The following ALK variants were observed in gnomAD, a reference collection of about 807,000 sequenced individuals.
The protein encoded by ALK is ALK tyrosine kinase receptor.
A neutral mutation model predicts 163.1 loss-of-function variants in ALK; 74 were observed. The ratio of observed to expected loss-of-function variants is 0.45; its 90% CI spans 0.38 to 0.55. The LOEUF (loss-of-function observed/expected upper bound fraction) is 0.55. Among genes scored for constraint, ALK ranks in the 20% least tolerant of loss-of-function variants. The pLI, the probability that ALK is intolerant of heterozygous loss-of-function variation, is 0.00. For synonymous variants in ALK, 960 were observed against 843.2 expected (o/e 1.14, Z -2.40); for missense variants, 2,063 against 2,105.3 (o/e 0.98, Z 0.39).
intron 3 of ALK, among the ~76,000 whole-genome samples, chr2:29,598,249 C>T (rs1180992682): frequency 1.3e-5 from 2 of 152,232 alleles, no homozygotes; most frequent in Non-Finnish European, 2.9e-5. Flanking sequence ...TGCTCTCAAA[C>T]TCCTGACCTC....
intron 1 of ALK, among the ~76,000 whole-genome samples, chr2:29,720,147 G>A (rs1679380469): frequency 6.6e-6 from 1 of 151,932 alleles, no homozygotes; most frequent in Non-Finnish European, 1.5e-5. Context: ...ATGAATCTGT[G>A]AATGGGTACA....
At chr2:29,550,393 A>G (rs1400710498) in intron 3 of ALK, among the ~76,000 whole-genome samples, 3 of 152,162 alleles carry the variant, frequency 2.0e-5, no homozygotes, top group Admixed American at 6.5e-5. Context: ...CCTTTATGAA[A>G]GCAGCTGGAC....
At chr2:29,289,873 C>G (rs760615312) in intron 9 of ALK, among the ~76,000 whole-genome samples, 10 of 152,158 alleles carry the variant, frequency 6.6e-5, no homozygotes, top group Non-Finnish European at 1.5e-4. Context: ...TGTTGGGAAG[C>G]AAGGAGCCCC....
intron 1 of ALK, among the ~76,000 whole-genome samples, chr2:29,832,386 T>C (rs947739110): frequency 6.6e-6 from 1 of 152,068 alleles, no homozygotes; most frequent in East Asian, 1.9e-4. Flanking sequence ...CTGAGGTGAA[T>C]TGAAGAGGAA....
At chr2:29,837,664 C>T (rs922797729) in intron 1 of ALK, among the ~76,000 whole-genome samples, 1 of 152,144 alleles carries the variant, frequency 6.6e-6, no homozygotes, top group African/African-American at 2.4e-5. Flanking sequence ...TCTTTAAAAG[C>T]TTAAAAGCAA....
intron 11 of ALK, among the ~76,000 whole-genome samples, chr2:29,251,607 G>T (rs1485999184): frequency 5.3e-5 from 8 of 152,206 alleles, no homozygotes; most frequent in Non-Finnish European, 1.0e-4. Context: ...CGCTAGGGGA[G>T]TTCCAGGAAG....
intron 1 of ALK, among the ~76,000 whole-genome samples, chr2:29,798,219 T>C (rs1034178035): frequency 6.6e-6 from 1 of 152,234 alleles, no homozygotes; most frequent in Non-Finnish European, 1.5e-5. Flanking sequence ...GGCCAAAGCC[T>C]CTCTTTGTGT....
intron 1 of ALK, among the ~76,000 whole-genome samples, chr2:29,803,592 C>T (rs1383494315): frequency 2.0e-5 from 3 of 152,156 alleles, no homozygotes; most frequent in East Asian, 1.9e-4. Context: ...CCATTATTTC[C>T]GATTGCTCTA....
At chr2:29,758,128 A>G (rs1484138040) in intron 1 of ALK, among the ~76,000 whole-genome samples, 1 of 148,770 alleles carries the variant, frequency 6.7e-6, no homozygotes, top group Non-Finnish European at 1.5e-5. Context: ...CTCCTGCCTC[A>G]GCCTCTGGAG....
chr2:29,554,096 T>C (rs563569806), intron 3 of ALK, among the ~76,000 whole-genome samples: 34 of 152,364 alleles, frequency 2.2e-4, no homozygotes, highest in African/African-American at 8.2e-4. Flanking sequence ...TTTATATTTA[T>C]GAACTTGAGT....
At chr2:29,210,139 G>C (rs1347866756) in intron 24 of ALK, among the ~76,000 whole-genome samples, 3 of 152,198 alleles carry the variant, frequency 2.0e-5, no homozygotes, top group East Asian at 1.9e-4. Context: ...CATCATACTA[G>C]GAACTAGGAT....
At chr2:29,575,432 T>C (rs1010828319) in intron 3 of ALK, among the ~76,000 whole-genome samples, 2 of 152,154 alleles carry the variant, frequency 1.3e-5, no homozygotes, top group African/African-American at 2.4e-5. Flanking sequence ...CTACCCCCAC[T>C]GCAACCTCCC....
In ALK at chr2:29,694,871, G is replaced by T. The variant is rs149837139; in HGVS notation, c.931C>A (p.Arg311Ser). The T allele has an allele frequency of 5.6e-6, 9 of 1,613,840 alleles. No individual in the cohort carries two copies. The highest frequency in any genetic ancestry group is 4.5e-5 in the East Asian group (2 of 44,870). The change falls in exon 3 of 29, where the codon CGT becomes AGT. Residue 311 changes from arginine to serine, a missense_variant. This residue lies in a region of ALK where 987 missense variants were observed against 939.5 expected (regional missense o/e 1.05). Transcript: ENST00000389048. ...TTACCTCTGGGCATCTCCTTAGAAC[G>T]CTCTGCCCCAGGCCCATCCAGCAAG... is the stretch of plus-strand genomic sequence containing the variant. ...MDLLDGPGAE[R>S]SKEMPRGSFL...
At chr2:29,594,426 C>CTTT (rs754184164) in intron 3 of ALK, among the ~76,000 whole-genome samples, 5 of 128,934 alleles carry the variant, frequency 3.9e-5, no homozygotes, top group African/African-American at 6.1e-5. Context: ...GGTCTCCTCA[C>CTTT]TTTTTTTTTT....
intron 4 of ALK, among the ~76,000 whole-genome samples, chr2:29,505,354 T>G (rs1313289206): frequency 1.3e-5 from 2 of 152,118 alleles, no homozygotes; most frequent in African/African-American, 2.4e-5. Context: ...ATGTGCTATC[T>G]CAAGATGATT....
chr2:29,291,345 C>T (rs1241028477), intron 9 of ALK, among the ~76,000 whole-genome samples: 1 of 152,016 alleles, frequency 6.6e-6, no homozygotes, highest in African/African-American at 2.4e-5. Flanking sequence ...GCCTGGGTGA[C>T]AGAGTGAGGC....
intron 2 of ALK, among the ~76,000 whole-genome samples, chr2:29,716,615 T>G (rs1409215507): frequency 2.0e-5 from 3 of 152,072 alleles, no homozygotes; most frequent in Admixed American, 2.0e-4. Context: ...AAAATGAAAG[T>G]AGGGGAAGAA....
At chr2:29,573,410 C>T (rs1007697204) in intron 3 of ALK, among the ~76,000 whole-genome samples, 1 of 152,090 alleles carries the variant, frequency 6.6e-6, no homozygotes, top group Non-Finnish European at 1.5e-5. Flanking sequence ...TTTGTACAGC[C>T]CATGGGTAAG....
chr2:29,842,516 C>T (rs1558514002), intron 1 of ALK, among the ~76,000 whole-genome samples: 1 of 152,322 alleles, frequency 6.6e-6, no homozygotes, highest in Middle Eastern at 3.4e-3. Context: ...AACTACCCCA[C>T]ACAGTTACCA....
Sources: gnomAD v4.1 joint callset for allele counts (sites outside exome capture counted in the v4.1 genomes callset) on GRCh38, gnomAD v4.1.1 for gene constraint, gnomAD v4.1.1 regional missense constraint, MANE v1.5 for transcripts, NCBI Gene and HGNC (gene_info 2026-07-23, HGNC 2026-07-21) for gene names.